The following SLC25A26 variants were observed in gnomAD, a reference collection of about 807,000 sequenced individuals.
SLC25A26 encodes the protein mitochondrial S-adenosylmethionine carrier protein.
A neutral mutation model predicts 37.8 loss-of-function variants in SLC25A26; 36 were observed. The ratio of observed to expected loss-of-function variants is 0.95; its 90% CI spans 0.73 to 1.26. The LOEUF (loss-of-function observed/expected upper bound fraction) is 1.26. SLC25A26 is among the 50% of genes most tolerant of loss of function. SLC25A26 has a pLI of 0.00. For synonymous variants in SLC25A26, 129 were observed against 122.5 expected (o/e 1.05, Z -0.35); for missense variants, 390 against 331.1 (o/e 1.18, Z -1.38).
intron 1 of SLC25A26, among the ~76,000 whole-genome samples, chr3:66,233,012 G>T (rs2072105786): frequency 6.6e-6 from 1 of 152,200 alleles, no homozygotes. Context: ...CGAGACTGTC[G>T]GGAATGTTTC....
Position 66,341,308 on chromosome 3 carries a change from ACTT to A in SLC25A26, c.454-5052_454-5050del, listed in dbSNP as rs535158036. 2.4e-3 allele frequency among the ~76,000 whole-genome samples: 365 copies of A among 152,284 alleles called. 1 individual carries two copies. The highest frequency in any genetic ancestry group is 4.7e-3 in the Non-Finnish European group (317 of 67,992). On this transcript the variant is annotated intron_variant, in intron 5 of 9. Transcript: ENST00000354883. ...ATAAGTCAGTGTCAAATATTTAAAT[ACTT>A]CTTAAAAACAGTGAAACTTGTTTCC... is the stretch of plus-strand genomic sequence containing the variant.
intron 5 of SLC25A26, among the ~76,000 whole-genome samples, chr3:66,326,875 A>G (rs1477124831): frequency 6.6e-6 from 1 of 151,996 alleles, no homozygotes; most frequent in Non-Finnish European, 1.5e-5. Flanking sequence ...TGACAGGTGA[A>G]CTCTGGTCCT....
intron 5 of SLC25A26, among the ~76,000 whole-genome samples, chr3:66,324,926 A>C (rs942145006): frequency 1.3e-5 from 2 of 152,148 alleles, no homozygotes; most frequent in Non-Finnish European, 2.9e-5. Context: ...ACAGAGTAGC[A>C]AGAGAAAAAA....
chr3:66,300,256 G>GTTTTTTTTTTTTTT (rs916553948), intron 5 of SLC25A26, among the ~76,000 whole-genome samples: 3 of 116,664 alleles, frequency 2.6e-5, no homozygotes, highest in African/African-American at 6.0e-5. Flanking sequence ...TTTTTGTTTT[G>GTTTTTTTTTTTTTT]TTTTTTTTTT....
In SLC25A26 at chr3:66,262,074, A is replaced by C. The variant is rs2073551395; in HGVS notation, c.324A>C (p.Pro108=). The C allele has an allele frequency of 5.0e-6, 8 of 1,587,570 alleles. No homozygotes were observed. The highest frequency in any genetic ancestry group is 6.9e-6 in the Non-Finnish European group (8 of 1,165,974). ...AGGTTGCCTGCCTGATTCGAGTTCC[A>C]TCTGAAGTGGTTAAGCAGAGGGCAC... ...GEVVACLIRV[P]SEVVKQRAQV... is the part of the protein sequence containing the mutation. Residue 108 remains proline, a synonymous_variant, in exon 4 of 10, where the codon CCA becomes CCC. Transcript: ENST00000354883.
At chr3:66,280,891 C>T (rs1427629892) in intron 5 of SLC25A26, among the ~76,000 whole-genome samples, 1 of 152,078 alleles carries the variant, frequency 6.6e-6, no homozygotes, top group Non-Finnish European at 1.5e-5. Context: ...AGTCCTACTT[C>T]TCATAACTAC....
chr3:66,203,505 A>G (rs1255304892), intron 1 of SLC25A26, among the ~76,000 whole-genome samples: 1 of 152,200 alleles, frequency 6.6e-6, no homozygotes, highest in Non-Finnish European at 1.5e-5. Context: ...TACCCTTATT[A>G]AAACATCAGT....
chr3:66,274,520 C>A (rs184582013), intron 5 of SLC25A26, among the ~76,000 whole-genome samples: 8 of 152,248 alleles, frequency 5.3e-5, no homozygotes, highest in African/African-American at 1.4e-4. Flanking sequence ...GGGCTAATAT[C>A]CGGAATCTAC....
chr3:66,160,104 G>A (rs1331186590), intron 1 of SLC25A26, among the ~76,000 whole-genome samples: 1 of 152,108 alleles, frequency 6.6e-6, no homozygotes, highest in South Asian at 2.1e-4. Flanking sequence ...TCAGGCTCAA[G>A]TGATTCTCAT....
intron 1 of SLC25A26, among the ~76,000 whole-genome samples, chr3:66,205,773 C>T (rs1247492748): frequency 2.0e-5 from 3 of 152,112 alleles, no homozygotes; most frequent in Non-Finnish European, 2.9e-5. Context: ...TAGCCATGGG[C>T]CAACATTCAA....
At chr3:66,180,836 C>A (rs1186654778) in intron 1 of SLC25A26, among the ~76,000 whole-genome samples, 1 of 152,156 alleles carries the variant, frequency 6.6e-6, no homozygotes, top group Non-Finnish European at 1.5e-5. Flanking sequence ...CCCTAACCCC[C>A]AGTGTGACTG....
At chr3:66,356,598 A>G (rs1003640898) in intron 6 of SLC25A26, among the ~76,000 whole-genome samples, 15 of 152,260 alleles carry the variant, frequency 9.9e-5, no homozygotes, top group Admixed American at 1.3e-4. Context: ...TCATTATACT[A>G]TGGAAGCTGG....
intron 6 of SLC25A26, among the ~76,000 whole-genome samples, chr3:66,362,525 G>A (rs1428587566): frequency 1.3e-5 from 2 of 152,200 alleles, no homozygotes; most frequent in African/African-American, 4.8e-5. Context: ...AGGAAGGACA[G>A]GAAGGAGGGG....
chr3:66,202,731 T>A lies in SLC25A26; in HGVS notation c.-353-18011T>A, dbSNP rs918856947. ...TCAGCAGCTCTAAGAACTCCCATTT[T>A]AAAAAAAACATTTTAAAATGAAAAA... On this transcript the variant is annotated intron_variant, in intron 1 of 10. Coordinates refer to the SLC25A26 transcript ENST00000676754. Among the ~76,000 whole-genome samples, 622 of 151,784 alleles carry A rather than the reference T, an allele frequency of 4.1e-3. 7 individuals carry two copies. Among genetic ancestry groups the A allele is most frequent in the African/African-American group, 0.014 (584 of 41,414 alleles).
chr3:66,235,660 C>T (rs2072242539), intron 1 of SLC25A26, among the ~76,000 whole-genome samples: 1 of 152,076 alleles, frequency 6.6e-6, no homozygotes, highest in African/African-American at 2.4e-5. Flanking sequence ...GTTAAGACAA[C>T]AATATAACAT....
At chr3:66,244,833 C>T (rs538889146) in intron 3 of SLC25A26, among the ~76,000 whole-genome samples, 11 of 151,784 alleles carry the variant, frequency 7.2e-5, no homozygotes, top group East Asian at 1.9e-4. Flanking sequence ...AAAAATTAGC[C>T]GGGTGTGGTG....
intron 1 of SLC25A26, among the ~76,000 whole-genome samples, chr3:66,159,862 T>C (rs1576602941): frequency 6.6e-6 from 1 of 152,306 alleles, no homozygotes; most frequent in East Asian, 1.9e-4. Context: ...ACTAGGCAGC[T>C]GTCTTTCATG....
intron 3 of SLC25A26, among the ~76,000 whole-genome samples, chr3:66,255,367 A>G (rs2073257995): frequency 6.6e-6 from 1 of 152,198 alleles, no homozygotes; most frequent in Non-Finnish European, 1.5e-5. Context: ...TATTTATGCC[A>G]AAGGAAGAAA....
chr3:66,352,553 TA>T (rs1302720096), intron 6 of SLC25A26, among the ~76,000 whole-genome samples: 1 of 152,162 alleles, frequency 6.6e-6, no homozygotes, highest in African/African-American at 2.4e-5. Context: ...ATAATTTTTT[TA>T]ATTTTGATTT....
Sources: gnomAD v4.1 joint callset for allele counts (sites outside exome capture counted in the v4.1 genomes callset) on GRCh38, gnomAD v4.1.1 for gene constraint, MANE v1.5 for transcripts, NCBI Gene and HGNC (gene_info 2026-07-23, HGNC 2026-07-21) for gene names.